LSAMP: variants seen among roughly 807,000 people sequenced by gnomAD.
LSAMP encodes the protein limbic system-associated membrane protein.
A neutral mutation model predicts 38.6 loss-of-function variants in LSAMP; 7 were observed. The observed-to-expected ratio is 0.18, with a 90% CI of 0.10 to 0.34. LSAMP has a LOEUF of 0.34. Ranked by LOEUF, LSAMP falls within the 10% of genes least tolerant of loss-of-function variation. LSAMP has a pLI of 1.00. For synonymous variants in LSAMP, 154 were observed against 166.8 expected, an observed-to-expected ratio of 0.92 and a Z score of 0.59; for missense variants, 313 against 420.0, an observed-to-expected ratio of 0.75 and a Z score of 2.23.
intron 3 of LSAMP, among the ~76,000 whole-genome samples, chr3:115,978,182 A>C (rs1939247895): frequency 6.6e-6 from 1 of 152,170 alleles, no homozygotes; most frequent in Non-Finnish European, 1.5e-5. Context: ...TCTTAAGGCA[A>C]GGAAATGGTA....
rs955840970 is a variant in LSAMP at position 115,807,368 on chromosome 3, A to G, written c.*2949T>C. 2.0e-5 allele frequency: 3 copies of G among 152,232 alleles called. No individual in the cohort carries two copies. Among genetic ancestry groups the G allele is most frequent in the African/African-American group, 7.2e-5 (3 of 41,454 alleles). The allele number at this position is 152,232 out of a possible 1,614,324, so 9.4% of individuals were successfully genotyped here. On this transcript the variant is annotated 3_prime_UTR_variant, in exon 7 of 7. Coordinates refer to ENST00000490035, the MANE Select transcript of LSAMP (RefSeq NM_002338.5). The stretch of plus-strand genomic sequence containing the variant: ...ATTTTTAAAATTTCAAGATCCTGCT[A>G]GAGACACAGGCAAACACCACATTTA...
intron 3 of LSAMP, among the ~76,000 whole-genome samples, chr3:116,001,161 T>G (rs1205445516): frequency 6.6e-6 from 1 of 151,912 alleles, no homozygotes; most frequent in East Asian, 1.9e-4. Context: ...GTTCCTAAAG[T>G]GCTTTGTGGA....
At chr3:115,912,948 T>G (rs1448898066) in intron 3 of LSAMP, among the ~76,000 whole-genome samples, 1 of 152,178 alleles carries the variant, frequency 6.6e-6, no homozygotes, top group Middle Eastern at 3.2e-3. Context: ...TTTCAGAATC[T>G]TTTTGGGTTT....
At chr3:116,378,434 G>C (rs2048518674) in intron 1 of LSAMP, among the ~76,000 whole-genome samples, 1 of 152,034 alleles carries the variant, frequency 6.6e-6, no homozygotes, top group African/African-American at 2.4e-5. Flanking sequence ...GAAGAGCAAT[G>C]AGTAAAAACA....
At chr3:115,843,541 T>G (rs1576137838) in intron 4 of LSAMP, among the ~76,000 whole-genome samples, 1 of 152,306 alleles carries the variant, frequency 6.6e-6, no homozygotes, top group South Asian at 2.1e-4. Context: ...CTTGGCTATG[T>G]ACACATGGGG....
At chr3:115,945,408 G>A (rs1052902814) in intron 3 of LSAMP, among the ~76,000 whole-genome samples, 2 of 152,098 alleles carry the variant, frequency 1.3e-5, no homozygotes, top group African/African-American at 2.4e-5. Flanking sequence ...TGTCTCCGAT[G>A]TGAAGGACAG....
chr3:116,135,926 G>A (rs959462303), intron 1 of LSAMP, among the ~76,000 whole-genome samples: 1 of 152,142 alleles, frequency 6.6e-6, no homozygotes. Flanking sequence ...TGCCTTTATT[G>A]TGATATAAAT....
intron 1 of LSAMP, among the ~76,000 whole-genome samples, chr3:116,117,851 G>A (rs1708786557): frequency 6.6e-6 from 1 of 152,126 alleles, no homozygotes; most frequent in Admixed American, 6.5e-5. Flanking sequence ...CTCTGACCTG[G>A]ATGACCTGCC....
In LSAMP at chr3:116,006,941, C is replaced by A. The variant is rs77114568; in HGVS notation, c.514+12574G>T. Among the ~76,000 whole-genome samples the A allele has an allele frequency of 5.7e-3, 873 of 152,272 alleles. 2 individuals carry two copies. Among genetic ancestry groups the A allele is most frequent in the Non-Finnish European group, 8.2e-3 (556 of 68,026 alleles). ...CTCTCATCCCCTGATCTGGATCTGT[C>A]TTCCACAGCCCAAACAGCATAAAGA... is the stretch of plus-strand genomic sequence containing the variant. On this transcript the variant is annotated intron_variant, in intron 3 of 6. Coordinates refer to ENST00000490035, the MANE Select transcript of LSAMP (RefSeq NM_002338.5).
intron 3 of LSAMP, among the ~76,000 whole-genome samples, chr3:115,891,742 A>G (rs528395311): frequency 1.3e-5 from 2 of 152,088 alleles, no homozygotes; most frequent in Admixed American, 1.3e-4. Flanking sequence ...TTGCAAAAAT[A>G]TGATATTTTA....
intron 1 of LSAMP, among the ~76,000 whole-genome samples, chr3:116,278,678 A>AAGTT (rs1476139725): frequency 5.3e-5 from 8 of 152,172 alleles, no homozygotes. Flanking sequence ...ATATCTAGTA[A>AAGTT]AGTTAGCTCT....
intron 3 of LSAMP, among the ~76,000 whole-genome samples, chr3:115,962,563 G>C (rs541811073): frequency 1.1e-3 from 167 of 152,306 alleles, no homozygotes; most frequent in African/African-American, 3.9e-3. Flanking sequence ...ATAAAACTGT[G>C]TATGCTCAAG....
chr3:116,074,913 G>A (rs544095962), intron 2 of LSAMP, among the ~76,000 whole-genome samples: 33 of 146,314 alleles, frequency 2.3e-4, no homozygotes, highest in Non-Finnish European at 4.6e-4. Context: ...GTGCGATCTC[G>A]GCTCACCGCA....
chr3:116,359,201 GTATAA>G (rs757426715), intron 1 of LSAMP, among the ~76,000 whole-genome samples: 3 of 152,154 alleles, frequency 2.0e-5, no homozygotes, highest in Admixed American at 6.5e-5. Flanking sequence ...TGTACTATGT[GTATAA>G]TATATTTTTA....
intron 6 of LSAMP, among the ~76,000 whole-genome samples, chr3:115,826,673 A>G (rs952592246): frequency 2.0e-5 from 3 of 152,192 alleles, no homozygotes; most frequent in African/African-American, 7.2e-5. Context: ...GAGTAAATGA[A>G]TGGTGTCGTC....
intron 3 of LSAMP, among the ~76,000 whole-genome samples, chr3:115,967,398 G>T (rs1938852784): frequency 6.6e-6 from 1 of 152,008 alleles, no homozygotes; most frequent in African/African-American, 2.4e-5. Flanking sequence ...TCAACATTTT[G>T]GTCAAAGCCA....
chr3:115,810,221 A>ATCTCTCTCTCTCTC lies in LSAMP; in HGVS notation c.*82_*95dup. ...AGTTGTGAAATAAACGGTCTCCCCC[A>ATCTCTCTCTCTCTC]TCTCTCTCTCTCTCTCTCTCTCTGT... is the stretch of plus-strand genomic sequence containing the variant. On this transcript the variant is annotated 3_prime_UTR_variant, in exon 7 of 7. Coordinates refer to ENST00000490035, the MANE Select transcript of LSAMP (RefSeq NM_002338.5). The ATCTCTCTCTCTCTC allele has an allele frequency of 7.7e-6, 5 of 648,420 alleles. No homozygotes were observed. The highest frequency in any genetic ancestry group is 1.0e-5 in the Non-Finnish European group (4 of 393,768). 40.2% of individuals were successfully genotyped at this position (648,420 alleles called of 1,614,324 possible).
intron 1 of LSAMP, among the ~76,000 whole-genome samples, chr3:116,238,476 G>C (rs769694205): frequency 1.3e-5 from 2 of 152,134 alleles, no homozygotes. Context: ...GGAGTTACTC[G>C]CATATGGGAC....
At chr3:116,348,532 T>G (rs1211162494) in intron 1 of LSAMP, among the ~76,000 whole-genome samples, 1 of 152,096 alleles carries the variant, frequency 6.6e-6, no homozygotes, top group African/African-American at 2.4e-5. Context: ...ATTTTTTAAA[T>G]CCCTGTAACC....
Sources: gnomAD v4.1 joint callset for allele counts (sites outside exome capture counted in the v4.1 genomes callset) on GRCh38, gnomAD v4.1.1 for gene constraint, MANE v1.5 for transcripts, NCBI Gene and HGNC (gene_info 2026-07-23, HGNC 2026-07-21) for gene names.